The following PLCB1 variants were observed in gnomAD, a reference collection of about 807,000 sequenced individuals.
The protein encoded by PLCB1 is phospholipase C beta 1.
A neutral mutation model predicts 161.8 loss-of-function variants in PLCB1; 46 were observed. The ratio of observed to expected loss-of-function variants is 0.28; its 90% CI spans 0.22 to 0.36. The LOEUF (loss-of-function observed/expected upper bound fraction) is 0.36, where lower values mean the gene tolerates loss of function less well. Ranked by LOEUF, PLCB1 falls within the 10% of genes least tolerant of loss-of-function variation. PLCB1 has a pLI of 1.00. For synonymous variants in PLCB1, 517 were observed against 503.7 expected, an observed-to-expected ratio of 1.03 and a Z score of -0.35; for missense variants, 1,016 against 1,472.5, an observed-to-expected ratio of 0.69 and a Z score of 5.07.
At chr20:8,367,375 A>C (rs939887365) in intron 2 of PLCB1, among the ~76,000 whole-genome samples, 6 of 152,214 alleles carry the variant, frequency 3.9e-5, no homozygotes, top group Non-Finnish European at 8.8e-5. Context: ...GCAGATTCTC[A>C]GGCCTGCCTC....
At chr20:8,332,837 A>G (rs145558695) in intron 2 of PLCB1, among the ~76,000 whole-genome samples, 17 of 152,352 alleles carry the variant, frequency 1.1e-4, no homozygotes, top group African/African-American at 3.8e-4. Context: ...TTTACCATGT[A>G]TAAGATGTGA....
intron 31 of PLCB1, 43 bp from the exon 32 acceptor site, chr20:8,881,579 A>G (rs1324392661): frequency 6.8e-7 from 1 of 1,469,218 alleles, no homozygotes; most frequent in African/African-American, 1.4e-5. Context: ...GGGTATAGAA[A>G]CATAAACAAC....
chr20:8,396,233 T>C (rs191574569), intron 3 of PLCB1, among the ~76,000 whole-genome samples: 1 of 152,206 alleles, frequency 6.6e-6, no homozygotes, highest in East Asian at 1.9e-4. Flanking sequence ...CATCTGACTG[T>C]GTTGATGGCA....
intron 2 of PLCB1, among the ~76,000 whole-genome samples, chr20:8,173,724 T>C (rs551816223): frequency 6.6e-6 from 1 of 152,188 alleles, no homozygotes; most frequent in African/African-American, 2.4e-5. Flanking sequence ...CCATAAAAAA[T>C]GTTTCAGCAG....
chr20:8,182,950 A>G (rs957572958), intron 2 of PLCB1, among the ~76,000 whole-genome samples: 1 of 148,690 alleles, frequency 6.7e-6, no homozygotes, highest in Non-Finnish European at 1.5e-5. Context: ...TAACTATTAG[A>G]ATAACCACAA....
intron 23 of PLCB1, among the ~76,000 whole-genome samples, chr20:8,746,379 A>G (rs1332252351): frequency 6.6e-6 from 1 of 152,256 alleles, no homozygotes; most frequent in East Asian, 1.9e-4. Context: ...TACATTTATT[A>G]GGAAATATTA....
At chr20:8,631,282 A>G (rs996745043) in intron 4 of PLCB1, among the ~76,000 whole-genome samples, 2 of 152,224 alleles carry the variant, frequency 1.3e-5, no homozygotes, top group Non-Finnish European at 2.9e-5. Flanking sequence ...TCTCTTCCTT[A>G]GAGAAGCTTG....
intron 3 of PLCB1, among the ~76,000 whole-genome samples, chr20:8,473,345 C>T (rs557456018): frequency 1.3e-5 from 2 of 152,200 alleles, no homozygotes; most frequent in African/African-American, 4.8e-5. Flanking sequence ...TAGTCTTAGG[C>T]TAATAATTAA....
At chr20:8,155,678 A>T (rs1417603144) in intron 2 of PLCB1, among the ~76,000 whole-genome samples, 1 of 152,100 alleles carries the variant, frequency 6.6e-6, no homozygotes, top group Non-Finnish European at 1.5e-5. Flanking sequence ...TCTCTTTGGG[A>T]TATGCTTCTC....
chr20:8,134,826 A>G (rs1198027012), intron 1 of PLCB1, among the ~76,000 whole-genome samples: 3 of 151,998 alleles, frequency 2.0e-5, no homozygotes, highest in Admixed American at 6.6e-5. Flanking sequence ...AAGAAAGGAC[A>G]TAGTCACTAA....
chr20:8,691,927 A>G (rs1215414298), intron 10 of PLCB1, among the ~76,000 whole-genome samples: 2 of 152,140 alleles, frequency 1.3e-5, no homozygotes, highest in African/African-American at 2.4e-5. Context: ...AATCTGCCCT[A>G]TGACTCAAGA....
intron 23 of PLCB1, among the ~76,000 whole-genome samples, chr20:8,745,837 T>G (rs1023767797): frequency 1.3e-5 from 2 of 152,190 alleles, no homozygotes; most frequent in Non-Finnish European, 2.9e-5. Context: ...AAAAACATAG[T>G]AAACTAAAGA....
chr20:8,453,825 T>C (rs1981178584), intron 3 of PLCB1, among the ~76,000 whole-genome samples: 1 of 152,194 alleles, frequency 6.6e-6, no homozygotes, highest in African/African-American at 2.4e-5. Flanking sequence ...ATGGACTAAG[T>C]TGTATCCCTC....
At chr20:8,750,167 T>C (rs924701125) in intron 23 of PLCB1, among the ~76,000 whole-genome samples, 1 of 152,216 alleles carries the variant, frequency 6.6e-6, no homozygotes, top group South Asian at 2.1e-4. Context: ...TGTGAGTGCT[T>C]ATATGATGAC....
chr20:8,198,449 C>A (rs2052053269), intron 2 of PLCB1, among the ~76,000 whole-genome samples: 1 of 152,014 alleles, frequency 6.6e-6, no homozygotes, highest in Admixed American at 6.6e-5. Flanking sequence ...AAGTCTGTGA[C>A]AACCAAGGAA....
intron 3 of PLCB1, among the ~76,000 whole-genome samples, chr20:8,441,074 A>T (rs997656367): frequency 1.3e-5 from 2 of 152,222 alleles, no homozygotes; most frequent in Non-Finnish European, 2.9e-5. Context: ...AAAAGGTAGC[A>T]TTACAAGAAA....
chr20:8,231,494 A>G (rs1228645579), intron 2 of PLCB1, among the ~76,000 whole-genome samples: 4 of 152,202 alleles, frequency 2.6e-5, no homozygotes, highest in Non-Finnish European at 5.9e-5. Flanking sequence ...TCTGTGAGAC[A>G]CTTCAAACCA....
intron 2 of PLCB1, among the ~76,000 whole-genome samples, chr20:8,253,869 G>A (rs952864569): frequency 1.3e-5 from 2 of 151,900 alleles, no homozygotes; most frequent in Non-Finnish European, 2.9e-5. Flanking sequence ...AGAACATGCA[G>A]TATTTGGTTT....
intron 3 of PLCB1, among the ~76,000 whole-genome samples, chr20:8,480,743 A>G (rs992487899): frequency 6.6e-6 from 1 of 152,214 alleles, no homozygotes; most frequent in Non-Finnish European, 1.5e-5. Flanking sequence ...AAGCTCAGCT[A>G]CATGGTGTTA....
Sources: allele counts gnomAD v4.1 joint callset (sites outside exome capture counted in the v4.1 genomes callset), GRCh38; gene constraint gnomAD v4.1.1; transcripts MANE v1.5; gene names NCBI Gene and HGNC (gene_info 2026-07-23, HGNC 2026-07-21).